KCNH8: variants seen among roughly 807,000 people sequenced by gnomAD.
KCNH8 encodes the protein potassium voltage-gated channel subfamily H member 8, also known as voltage-gated delayed rectifier potassium channel KCNH8.
KCNH8 carries 70 observed loss-of-function variants against 103.6 expected under a neutral mutation model. That is an observed-to-expected ratio of 0.68 (90% CI 0.56 to 0.82). KCNH8 has a LOEUF of 0.82. KCNH8 is among the 40% of genes least tolerant of loss of function. The pLI, the probability that KCNH8 is intolerant of heterozygous loss-of-function variation, is 0.00. For synonymous variants in KCNH8, 498 were observed against 489.4 expected, an observed-to-expected ratio of 1.02 and a Z score of -0.23; for missense variants, 1,217 against 1,329.9, an observed-to-expected ratio of 0.92 and a Z score of 1.32.
At chr3:19,519,690 A>T (rs577267602) in intron 15 of KCNH8, among the ~76,000 whole-genome samples, 1 of 151,792 alleles carries the variant, frequency 6.6e-6, no homozygotes, top group Non-Finnish European at 1.5e-5. Flanking sequence ...CGAAACCCAA[A>T]ACAAAACTAA....
chr3:19,221,779 A>G (rs539234610), intron 1 of KCNH8, among the ~76,000 whole-genome samples: 3 of 152,272 alleles, frequency 2.0e-5, no homozygotes, highest in East Asian at 3.9e-4. Context: ...CTAAAAACAT[A>G]CAGATATTAG....
chr3:19,352,233 C>A lies in KCNH8; in HGVS notation c.811+4268C>A, dbSNP rs145591671. Among the ~76,000 whole-genome samples the A allele has an allele frequency of 1.2e-4, 19 of 152,292 alleles. No individual in the cohort carries two copies. In the East Asian group the frequency reaches 3.7e-3, roughly 29 times the overall value. ...TACATGAGCATCCAGATTCACAAAGCAAGTCCTTAGAGACATACAAAGAGA... is the reference window on the plus strand; with the variant it reads ...TACATGAGCATCCAGATTCACAAAGAAAGTCCTTAGAGACATACAAAGAGA... On this transcript the variant is annotated intron_variant, in intron 5 of 15. Transcript: ENST00000328405.
chr3:19,298,958 T>C (rs1306314279), intron 3 of KCNH8, among the ~76,000 whole-genome samples: 1 of 147,068 alleles, frequency 6.8e-6, no homozygotes, highest in African/African-American at 2.5e-5. Context: ...AACAATTAGA[T>C]TTGAGGGGTA....
At chr3:19,296,287 G>C (rs925720626) in intron 3 of KCNH8, among the ~76,000 whole-genome samples, 4 of 152,286 alleles carry the variant, frequency 2.6e-5, no homozygotes, top group Admixed American at 2.6e-4. Flanking sequence ...TTAGGGGACT[G>C]CTCCCCAGTT....
In KCNH8 at chr3:19,518,084, T is replaced by G; in HGVS notation, c.2619+10T>G. The G allele has an allele frequency of 6.2e-7, 1 of 1,606,118 alleles. No homozygotes were observed. Among genetic ancestry groups the G allele is most frequent in the South Asian group, 1.1e-5 (1 of 90,870 alleles). ...CAAACTCAACAGTGAGGTATGGAGC[T>G]CTTTCTTTGGTCATGCCTAAATGGT... On this transcript the variant is annotated intron_variant, in intron 15 of 15. Coordinates refer to ENST00000328405, the MANE Select transcript of KCNH8 (RefSeq NM_144633.3).
intron 1 of KCNH8, among the ~76,000 whole-genome samples, chr3:19,208,700 G>A (rs545859485): frequency 6.6e-6 from 1 of 152,048 alleles, no homozygotes; most frequent in African/African-American, 2.4e-5. Context: ...GTGCAAATGT[G>A]GAAAGCATTT....
At position 19,512,975 on chromosome 3, in the gene KCNH8, G is replaced by C. The variant is rs1437569849; in HGVS notation, c.2085G>C (p.Glu695Asp). ...LSNKSMVSQSEPKGNGNINKR... is the reference protein window; with the variant it reads ...LSNKSMVSQSDPKGNGNINKR... ...TATATTATCCACTGATTTAGTCAGAGCCCAAGGGAAATGGCAACATCAACA... is the reference window on the plus strand; with the variant it reads ...TATATTATCCACTGATTTAGTCAGACCCCAAGGGAAATGGCAACATCAACA... The change falls in exon 13 of 16, where the codon GAG becomes GAC. Residue 695 changes from glutamate (E) to aspartate (D), a missense_variant. Around this residue, in one of 3 missense-constraint regions of KCNH8, gnomAD observed 558 missense variants for 495.8 expected, o/e 1.13. Transcript: ENST00000328405. 6.2e-7 allele frequency: 1 copy of C among 1,613,048 alleles called. No homozygotes were observed. The highest frequency in any genetic ancestry group is 1.1e-5 in the South Asian group (1 of 90,988).
At chr3:19,210,865 G>A (rs1416942157) in intron 1 of KCNH8, among the ~76,000 whole-genome samples, 1 of 152,072 alleles carries the variant, frequency 6.6e-6, no homozygotes, top group African/African-American at 2.4e-5. Context: ...GACCCTGAAA[G>A]TATGATGAGC....
intron 3 of KCNH8, among the ~76,000 whole-genome samples, chr3:19,338,006 G>C (rs952017511): frequency 2.0e-5 from 3 of 151,760 alleles, no homozygotes; most frequent in African/African-American, 7.3e-5. Context: ...AGGCGGGGGG[G>C]GGAGAAAGAG....
chr3:19,282,360 G>A (rs1270938192), intron 3 of KCNH8, among the ~76,000 whole-genome samples: 3 of 152,220 alleles, frequency 2.0e-5, no homozygotes, highest in Non-Finnish European at 4.4e-5. Flanking sequence ...GAATTTTAGA[G>A]CAAGCATAGT....
At chr3:19,235,990 G>A (rs768541507) in intron 1 of KCNH8, among the ~76,000 whole-genome samples, 2 of 152,114 alleles carry the variant, frequency 1.3e-5, no homozygotes, top group Admixed American at 6.5e-5. Flanking sequence ...TAATGTCATC[G>A]AATAAATGAT....
chr3:19,201,101 G>A (rs888469020), intron 1 of KCNH8, among the ~76,000 whole-genome samples: 12 of 150,350 alleles, frequency 8.0e-5, no homozygotes, highest in Admixed American at 1.3e-4. Flanking sequence ...ACATGGGGGC[G>A]GGCACCTGTT....
In KCNH8 at chr3:19,238,683, G is replaced by A. The variant is rs576638592; in HGVS notation, c.77-14971G>A. Among the ~76,000 whole-genome samples, 26 of 152,136 alleles carry A rather than the reference G, an allele frequency of 1.7e-4. No individual in the cohort carries two copies. The East Asian group carries it at 4.0e-3, about 24-fold the overall frequency. On this transcript the variant is annotated intron_variant, in intron 1 of 15. Coordinates refer to ENST00000328405, the MANE Select transcript of KCNH8 (RefSeq NM_144633.3). ...ATTGTAGTCTCATATAAAGTAGACC[G>A]AAAAAAATAAAGCTTACTGTGATGT...
intron 15 of KCNH8, among the ~76,000 whole-genome samples, chr3:19,532,799 A>G (rs1272697195): frequency 6.6e-6 from 1 of 152,214 alleles, no homozygotes; most frequent in Non-Finnish European, 1.5e-5. Flanking sequence ...ATGCCCCTCT[A>G]GGCTCTTTCA....
intron 11 of KCNH8, among the ~76,000 whole-genome samples, chr3:19,503,265 AAGTC>A (rs1298939007): frequency 7.9e-5 from 12 of 151,976 alleles, no homozygotes; most frequent in Admixed American, 2.0e-4. Flanking sequence ...AATCATTAAA[AAGTC>A]AGGAAACAAC....
At chr3:19,324,836 G>A (rs78785867) in intron 3 of KCNH8, among the ~76,000 whole-genome samples, 4,447 of 151,788 alleles carry the variant, frequency 0.029, 236 homozygotes, top group African/African-American at 0.1. Context: ...AAAAAAAAAT[G>A]TTTTAAAATT....
At chr3:19,175,288 C>T (rs899414904) in intron 1 of KCNH8, among the ~76,000 whole-genome samples, 2 of 147,254 alleles carry the variant, frequency 1.4e-5, no homozygotes, top group South Asian at 2.1e-4. Context: ...GTGGCGCGAT[C>T]TCGGCTCCCT....
At chr3:19,355,546 T>C (rs1333600888) in intron 5 of KCNH8, among the ~76,000 whole-genome samples, 1 of 152,158 alleles carries the variant, frequency 6.6e-6, no homozygotes, top group East Asian at 1.9e-4. Context: ...TGGAATAGTA[T>C]GCAGCCATAA....
intron 5 of KCNH8, among the ~76,000 whole-genome samples, chr3:19,383,464 C>T (rs1037119769): frequency 4.0e-5 from 6 of 151,816 alleles, no homozygotes; most frequent in Non-Finnish European, 8.8e-5. Context: ...CTGCAGCCTT[C>T]GCCTCCAAGC....
Sources: gnomAD v4.1 joint callset for allele counts (sites outside exome capture counted in the v4.1 genomes callset) on GRCh38, gnomAD v4.1.1 for gene constraint, gnomAD v4.1.1 regional missense constraint, MANE v1.5 for transcripts, NCBI Gene and HGNC (gene_info 2026-07-23, HGNC 2026-07-21) for gene names.